Variants in SEMA3E observed in about 807,000 individuals in gnomAD.
SEMA3E encodes semaphorin-3E.
SEMA3E carries 49 observed loss-of-function variants against 93.6 expected under a neutral mutation model. The ratio of observed to expected loss-of-function variants is 0.52; its 90% CI spans 0.42 to 0.66. SEMA3E has a LOEUF of 0.66. Ranked by LOEUF, SEMA3E falls within the 30% of genes least tolerant of loss-of-function variation. The probability of loss-of-function intolerance (pLI) is 0.00; values close to 1 mark genes in which losing one functional copy is unlikely to be tolerated. For missense variants in SEMA3E, 906 were observed against 964.8 expected, an observed-to-expected ratio of 0.94 and a Z score of 0.81; for synonymous variants, 363 against 330.7, an observed-to-expected ratio of 1.10 and a Z score of -1.06.
At chr7:83,525,072 T>A (rs976629262) in intron 1 of SEMA3E, among the ~76,000 whole-genome samples, 3 of 152,102 alleles carry the variant, frequency 2.0e-5, no homozygotes, top group Non-Finnish European at 4.4e-5. Flanking sequence ...CTTAACTTTT[T>A]GAGAACTTGC....
At position 83,400,190 on chromosome 7, in the gene SEMA3E, T is replaced by C. The variant is rs1347497190; in HGVS notation, c.1204A>G (p.Ile402Val). 1.2e-6 allele frequency: 2 copies of C among 1,614,006 alleles called. No individual in the cohort carries two copies. The highest frequency in any genetic ancestry group is 2.2e-5 in the East Asian group (1 of 44,848). Reference protein sequence around the residue: ...GTTKDYPDDAIRFARSHPLMY... With the variant: ...GTTKDYPDDAVRFARSHPLMY... ...AGTGGATGACTTCTTGCAAATCGGATGGCATCATCAGGATAGTCCTTGGTG... is the reference window on the plus strand; with the variant it reads ...AGTGGATGACTTCTTGCAAATCGGACGGCATCATCAGGATAGTCCTTGGTG... The change falls in exon 11 of 17, where the codon ATC becomes GTC. Residue 402 changes from isoleucine to valine, a missense_variant. By Grantham distance (29) the Ile-to-Val change is conservative. Transcript: ENST00000643230.
At chr7:83,486,699 G>T (rs950170411) in intron 2 of SEMA3E, among the ~76,000 whole-genome samples, 1 of 152,130 alleles carries the variant, frequency 6.6e-6, no homozygotes, top group East Asian at 1.9e-4. Flanking sequence ...AGAAATGCAG[G>T]TGGGGCTGAT....
chr7:83,608,721 T>C (rs547556739), intron 1 of SEMA3E, among the ~76,000 whole-genome samples: 3 of 152,110 alleles, frequency 2.0e-5, no homozygotes, highest in Admixed American at 2.0e-4. Flanking sequence ...TGGGGATCCA[T>C]GAATTGTTTG....
intron 1 of SEMA3E, among the ~76,000 whole-genome samples, chr7:83,598,938 A>T (rs1792929564): frequency 6.6e-6 from 1 of 152,222 alleles, no homozygotes; most frequent in Non-Finnish European, 1.5e-5. Context: ...TAAATAAATG[A>T]ATAAGCAGTA....
chr7:83,467,202 C>G (rs1160810879), intron 3 of SEMA3E, among the ~76,000 whole-genome samples: 3 of 151,924 alleles, frequency 2.0e-5, no homozygotes, highest in Non-Finnish European at 4.4e-5. Flanking sequence ...GTAGCTGCAA[C>G]TACAGGCATG....
intron 1 of SEMA3E, among the ~76,000 whole-genome samples, chr7:83,591,072 C>T (rs1260794187): frequency 1.4e-5 from 2 of 144,520 alleles, no homozygotes; most frequent in Non-Finnish European, 3.0e-5. Context: ...TTAATGTTAT[C>T]CATACATTAT....
chr7:83,407,056 A>C (rs1377898089), intron 7 of SEMA3E, 41 bp downstream of exon 7: 1 of 1,611,518 alleles, frequency 6.2e-7, no homozygotes, highest in Non-Finnish European at 8.5e-7. Context: ...CCTGACCATA[A>C]ATTGTGAGAT....
chr7:83,612,374 C>A (rs1793283870), intron 1 of SEMA3E, among the ~76,000 whole-genome samples: 1 of 151,970 alleles, frequency 6.6e-6, no homozygotes, highest in South Asian at 2.1e-4. Context: ...TCAGTAAATA[C>A]AATTTTAAGG....
At chr7:83,368,297 T>C (rs996829333) in intron 16 of SEMA3E, among the ~76,000 whole-genome samples, 1 of 151,484 alleles carries the variant, frequency 6.6e-6, no homozygotes. Flanking sequence ...GATCATTTTA[T>C]ATCAATACTG....
In SEMA3E at chr7:83,496,356, GAT is replaced by G. The variant is rs577094985; in HGVS notation, c.116-6084_116-6083del. ...TTGCAGAGCCTGATATAAATAATAA[GAT>G]AGAAGGTTTTCAAAATATTTAATAG... On this transcript the variant is annotated intron_variant, in intron 1 of 16. Coordinates refer to ENST00000643230, the MANE Select transcript of SEMA3E (RefSeq NM_012431.3). Among the ~76,000 whole-genome samples, 70 of 151,994 alleles carry G rather than the reference GAT, an allele frequency of 4.6e-4. No homozygotes were observed. In the South Asian group the frequency reaches 0.014, roughly 31 times the overall value.
chr7:83,411,745 A>G (rs1282488354), intron 5 of SEMA3E, among the ~76,000 whole-genome samples: 1 of 152,144 alleles, frequency 6.6e-6, no homozygotes, highest in Non-Finnish European at 1.5e-5. Flanking sequence ...TTGATCTTTT[A>G]CAGAATGCAA....
chr7:83,559,891 A>G (rs909205136), intron 1 of SEMA3E, among the ~76,000 whole-genome samples: 1 of 152,088 alleles, frequency 6.6e-6, no homozygotes, highest in African/African-American at 2.4e-5. Flanking sequence ...AAACAACAGC[A>G]ACAACAACAA....
chr7:83,573,675 C>T (rs1485318606), intron 1 of SEMA3E, among the ~76,000 whole-genome samples: 1 of 151,940 alleles, frequency 6.6e-6, no homozygotes, highest in Non-Finnish European at 1.5e-5. Flanking sequence ...TACTTAATAT[C>T]TATTGTGTAA....
At chr7:83,590,921 A>C (rs1046653128) in intron 1 of SEMA3E, among the ~76,000 whole-genome samples, 1 of 152,142 alleles carries the variant, frequency 6.6e-6, no homozygotes, top group African/African-American at 2.4e-5. Context: ...AGTTTAAAGC[A>C]TCTTAACTGA....
At chr7:83,601,978 C>T (rs1793007052) in intron 1 of SEMA3E, among the ~76,000 whole-genome samples, 1 of 152,152 alleles carries the variant, frequency 6.6e-6, no homozygotes, top group South Asian at 2.1e-4. Flanking sequence ...TCAATGTGAG[C>T]ATATTCCTGG....
Position 83,402,787 on chromosome 7 carries a change from C to CA in SEMA3E, c.999-12dup, listed in dbSNP as rs1418610753. The CA allele has an allele frequency of 1.9e-6, 3 of 1,609,584 alleles. No individual in the cohort carries two copies. Among genetic ancestry groups the CA allele is most frequent in the Non-Finnish European group, 1.7e-6 (2 of 1,177,362 alleles). On this transcript the variant is annotated splice_polypyrimidine_tract_variant and intron_variant, in intron 9 of 16. Coordinates refer to ENST00000643230, the MANE Select transcript of SEMA3E (RefSeq NM_012431.3). ...CCTCGAAAAATATTACTGAAAAATA[C>CA]AAAAAAGATAATTATTCTTCTGGAA... is the stretch of plus-strand genomic sequence containing the variant.
chr7:83,571,649 C>A (rs886838839), intron 1 of SEMA3E, among the ~76,000 whole-genome samples: 13 of 152,192 alleles, frequency 8.5e-5, no homozygotes, highest in Non-Finnish European at 1.9e-4. Context: ...AACTATTCCC[C>A]TTGAAAACTG....
chr7:83,543,320 G>A (rs1791577713), intron 1 of SEMA3E, among the ~76,000 whole-genome samples: 1 of 151,738 alleles, frequency 6.6e-6, no homozygotes. Context: ...TGTTTAACAT[G>A]TTGTTCCAAA....
At chr7:83,544,483 G>A (rs1013808123) in intron 1 of SEMA3E, among the ~76,000 whole-genome samples, 2 of 152,068 alleles carry the variant, frequency 1.3e-5, no homozygotes, top group Non-Finnish European at 2.9e-5. Flanking sequence ...GATGAGAAAG[G>A]TTTCTGCTGT....
Sources: gnomAD v4.1 joint callset for allele counts (sites outside exome capture counted in the v4.1 genomes callset) on GRCh38, gnomAD v4.1.1 for gene constraint, MANE v1.5 for transcripts, NCBI Gene and HGNC (gene_info 2026-07-23, HGNC 2026-07-21) for gene names.